Variants in SGIP1 observed in about 807,000 individuals in gnomAD.
The protein encoded by SGIP1 is SH3GL interacting endocytic adaptor 1, also known as SH3-containing GRB2-like protein 3-interacting protein 1.
A neutral mutation model predicts 107.5 loss-of-function variants in SGIP1; 38 were observed. The observed-to-expected ratio is 0.35, with a 90% CI of 0.27 to 0.46. SGIP1 has a LOEUF of 0.46. Ranked by LOEUF, SGIP1 falls within the 20% of genes least tolerant of loss-of-function variation. The pLI is 1.00. For missense variants in SGIP1, 929 were observed against 1,019.5 expected, an observed-to-expected ratio of 0.91 and a Z score of 1.21; for synonymous variants, 365 against 366.1, an observed-to-expected ratio of 1.00 and a Z score of 0.03.
In SGIP1 at chr1:66,678,505, C is replaced by G. The variant is rs766481726; in HGVS notation, c.740-1173C>G. Among the ~76,000 whole-genome samples the G allele has an allele frequency of 5.5e-4, 84 of 152,178 alleles. 4 individuals carry two copies. Among genetic ancestry groups the G allele is most frequent in the East Asian group, 7.7e-4 (4 of 5,176 alleles). ...TTTATGGTATTTTGTTGATTATGAC[C>G]TTGATTTTTGGCAGAGATCCTTAAT... On this transcript the variant is annotated intron_variant, in intron 13 of 24. Transcript: ENST00000371037.
intron 1 of SGIP1, among the ~76,000 whole-genome samples, chr1:66,601,690 T>A (rs1485954623): frequency 6.6e-6 from 1 of 152,094 alleles, no homozygotes. Flanking sequence ...CAGATACACA[T>A]ATAAAAATCA....
At chr1:66,605,526 C>T (rs2066650499) in intron 1 of SGIP1, among the ~76,000 whole-genome samples, 1 of 151,568 alleles carries the variant, frequency 6.6e-6, no homozygotes. Flanking sequence ...ATGCCTCAGT[C>T]ATTATATCAA....
intron 5 of SGIP1, among the ~76,000 whole-genome samples, chr1:66,641,873 C>G (rs1297404057): frequency 1.3e-5 from 2 of 152,174 alleles, no homozygotes; most frequent in African/African-American, 4.8e-5. Context: ...AACCTTCCCT[C>G]TGCTTTTTCT....
At position 66,689,399 on chromosome 1, in the gene SGIP1, A is replaced by G. The variant is rs1038465170; in HGVS notation, c.1443+124A>G. 1.0e-5 allele frequency: 13 copies of G among 1,242,372 alleles called. No individual in the cohort carries two copies. In the African/African-American group the frequency reaches 1.4e-4, roughly 13 times the overall value. The allele number at this position is 1,242,372 out of a possible 1,614,324, so 77.0% of individuals were successfully genotyped here. On this transcript the variant is annotated intron_variant, in intron 16 of 24. Coordinates refer to ENST00000371037, the MANE Select transcript of SGIP1 (RefSeq NM_032291.4). ...ACAACCCTGACAGGTGGCATCTGAA[A>G]GACAGTCACTGCGGTATGAGTGTAC...
chr1:66,689,781 A>G (rs11208947), intron 16 of SGIP1, among the ~76,000 whole-genome samples: 40,167 of 151,980 alleles, frequency 0.26, 5,518 homozygotes, highest in South Asian at 0.32. Context: ...CTTGTGGCAG[A>G]AGTAGATTTC....
intron 13 of SGIP1, among the ~76,000 whole-genome samples, chr1:66,679,047 G>A (rs1464849886): frequency 6.6e-6 from 1 of 152,196 alleles, no homozygotes; most frequent in Non-Finnish European, 1.5e-5. Context: ...TCTTCGTAGG[G>A]ACCATGATAC....
chr1:66,694,289 G>T, intron 17 of SGIP1: 2 of 579,258 alleles, frequency 3.5e-6, no homozygotes, highest in South Asian at 2.2e-5. Flanking sequence ...TCTTTATATC[G>T]TAATCATAAT....
At chr1:66,577,287 A>C (rs989152511) in intron 1 of SGIP1, among the ~76,000 whole-genome samples, 4 of 152,046 alleles carry the variant, frequency 2.6e-5, no homozygotes, top group Admixed American at 2.6e-4. Flanking sequence ...TACAGCCTGG[A>C]TCCCTAGGTC....
chr1:66,665,151 T>C (rs925912161), intron 8 of SGIP1, among the ~76,000 whole-genome samples: 1 of 152,174 alleles, frequency 6.6e-6, no homozygotes, highest in African/African-American at 2.4e-5. Flanking sequence ...GGTCCTGATG[T>C]GTGATGTTCC....
intron 18 of SGIP1, among the ~76,000 whole-genome samples, chr1:66,710,353 C>T (rs1021930369): frequency 1.3e-5 from 2 of 152,058 alleles, no homozygotes; most frequent in African/African-American, 4.8e-5. Flanking sequence ...TTACATGACA[C>T]GACTGTAAGG....
intron 1 of SGIP1, among the ~76,000 whole-genome samples, chr1:66,539,474 T>C (rs559330208): frequency 1.9e-4 from 29 of 152,330 alleles, no homozygotes; most frequent in African/African-American, 6.5e-4. Flanking sequence ...AAAGATCTGA[T>C]ATTAGAAAGA....
rs2089590300 is a variant in SGIP1 at position 66,690,532 on chromosome 1, G to A, written c.1570+216G>A. On this transcript the variant is annotated intron_variant, in intron 17 of 24. Coordinates refer to ENST00000371037, the MANE Select transcript of SGIP1 (RefSeq NM_032291.4). ...CAAATAAAAGAACATTAACACCTGT[G>A]TTTTGCAGGAATTTTCTTATGCTGT... The A allele has an allele frequency of 6.7e-5, 39 of 577,984 alleles. No individual in the cohort carries two copies. In the South Asian group the frequency reaches 8.8e-4, roughly 13 times the overall value. 35.8% of individuals were successfully genotyped at this position (577,984 alleles called of 1,614,324 possible).
At chr1:66,647,339 C>T (rs548604443) in intron 7 of SGIP1, among the ~76,000 whole-genome samples, 9 of 152,110 alleles carry the variant, frequency 5.9e-5, no homozygotes, top group African/African-American at 2.2e-4. Context: ...TCAGAAGTTG[C>T]GCGCATCACT....
intron 7 of SGIP1, chr1:66,660,038 G>A (rs12742962): frequency 0.018 from 1,637 of 90,814 alleles, 98 homozygotes; most frequent in African/African-American, 0.028. Context: ...AAGGAAGGAA[G>A]GAAAGAAAGA....
rs139987444 is a variant in SGIP1, at chr1:66,642,717, TTCTATATCCTTAAATAGAAGAC to T, written c.229-88_229-67del. 6,108 of 1,094,834 alleles carry T rather than the reference TTCTATATCCTTAAATAGAAGAC, an allele frequency of 5.6e-3. 234 individuals are homozygous for T. The South Asian group carries it at 0.095, about 17-fold the overall frequency. 67.8% of individuals were successfully genotyped at this position (1,094,834 alleles called of 1,614,324 possible). ...CTTCATCTCCTAAAAGAAAAGACTT[TTCTATATCCTTAAATAGAAGAC>T]TCTAGAAAAAAAATAATTTCTTGAT... On this transcript the variant is annotated intron_variant, in intron 5 of 24. Transcript: ENST00000371037.
At chr1:66,557,400 AT>A (rs953235077) in intron 1 of SGIP1, among the ~76,000 whole-genome samples, 72 of 152,278 alleles carry the variant, frequency 4.7e-4, no homozygotes, top group African/African-American at 1.7e-3. Flanking sequence ...ATGCTTGAAA[AT>A]GTGAAAATTG....
intron 8 of SGIP1, among the ~76,000 whole-genome samples, chr1:66,664,967 T>G (rs962951369): frequency 6.6e-5 from 10 of 152,148 alleles, no homozygotes; most frequent in African/African-American, 2.2e-4. Context: ...CTTTTGTTGT[T>G]GTTGTTGTTG....
chr1:66,699,451 A>C (rs1159464047), intron 18 of SGIP1, among the ~76,000 whole-genome samples: 1 of 152,024 alleles, frequency 6.6e-6, no homozygotes, highest in Non-Finnish European at 1.5e-5. Flanking sequence ...TGTGACATAG[A>C]GTGTACGTGT....
intron 18 of SGIP1, among the ~76,000 whole-genome samples, chr1:66,706,618 A>G (rs1010167210): frequency 2.6e-5 from 4 of 151,828 alleles, no homozygotes; most frequent in Non-Finnish European, 5.9e-5. Flanking sequence ...AATTATCAAT[A>G]TGTACTTATA....
Sources: allele counts gnomAD v4.1 joint callset (sites outside exome capture counted in the v4.1 genomes callset), GRCh38; gene constraint gnomAD v4.1.1; transcripts MANE v1.5; gene names NCBI Gene and HGNC (gene_info 2026-07-23, HGNC 2026-07-21).